Variants in TUSC3 observed in about 807,000 individuals in gnomAD.
TUSC3 encodes the protein tumor suppressor candidate 3.
Under a neutral mutation model 44.8 loss-of-function variants are expected in TUSC3, and 45 were observed. The ratio of observed to expected loss-of-function variants is 1.00; its 90% confidence interval spans 0.79 to 1.29. The LOEUF (loss-of-function observed/expected upper bound fraction) is 1.29. Ranked by LOEUF, TUSC3 falls within the 50% of genes most tolerant of loss-of-function variation. TUSC3 has a pLI of 0.00. For missense variants in TUSC3, 519 were observed against 437.9 expected (o/e 1.19, Z -1.65); for synonymous variants, 212 against 152.9 (o/e 1.39, Z -2.85).
At chr8:15,508,738 G>T (rs1801094231) in intron 2 of TUSC3, among the ~76,000 whole-genome samples, 1 of 152,108 alleles carries the variant, frequency 6.6e-6, no homozygotes, top group Non-Finnish European at 1.5e-5. Context: ...TGGGATTACA[G>T]GCGTAAGCCA....
intron 1 of TUSC3, among the ~76,000 whole-genome samples, chr8:15,585,288 G>A (rs28576207): frequency 0.012 from 1,893 of 152,240 alleles, 42 homozygotes; most frequent in African/African-American, 0.042. Context: ...AGGTTCAAGA[G>A]AGAGGTACAG....
chr8:15,463,423 T>C (rs1202175579), intron 1 of TUSC3, among the ~76,000 whole-genome samples: 6 of 152,150 alleles, frequency 3.9e-5, no homozygotes, highest in African/African-American at 7.2e-5. Context: ...GTCAAAATTA[T>C]TTTTAAAAGA....
chr8:15,581,350 G>A (rs958824380), intron 1 of TUSC3, among the ~76,000 whole-genome samples: 6 of 149,824 alleles, frequency 4.0e-5, no homozygotes, highest in Middle Eastern at 3.2e-3. Flanking sequence ...GCTTTGTTCC[G>A]TTGCTGGTGA....
At chr8:15,689,052 A>C in intron 6 of TUSC3, 1 of 328,198 alleles carries the variant, frequency 3.0e-6, no homozygotes. Context: ...TGACTCGTCA[A>C]TGTCATTTAC....
At chr8:15,572,623 C>T (rs1401023947) in intron 1 of TUSC3, among the ~76,000 whole-genome samples, 1 of 152,130 alleles carries the variant, frequency 6.6e-6, no homozygotes, top group Non-Finnish European at 1.5e-5. Flanking sequence ...CTGAGCTTTC[C>T]ACATGCCTTC....
intron 1 of TUSC3, among the ~76,000 whole-genome samples, chr8:15,552,560 A>C (rs971700202): frequency 6.6e-6 from 1 of 151,768 alleles, no homozygotes; most frequent in African/African-American, 2.4e-5. Context: ...GCGAGTGCTA[A>C]ACAGCACTGG....
intron 1 of TUSC3, among the ~76,000 whole-genome samples, chr8:15,461,643 C>T (rs1421918209): frequency 6.6e-6 from 1 of 151,728 alleles, no homozygotes; most frequent in African/African-American, 2.4e-5. Context: ...CTACTTTTCC[C>T]CATTCAGTAT....
intron 2 of TUSC3, among the ~76,000 whole-genome samples, chr8:15,631,865 C>T: frequency 6.6e-6 from 1 of 152,122 alleles, no homozygotes; most frequent in East Asian, 1.9e-4. Flanking sequence ...GCCGCCATGC[C>T]TGGCTAAATT....
rs1801636024 is a variant in TUSC3 at position 15,540,352 on chromosome 8, C to T, written c.-79C>T. Reference sequence around the variant, plus strand: ...GGCCCAGCCAGCGGGCTCCCGGAGGCTGGCCGGGCAGGCGTGGTGCGCGGT... The same window carrying T: ...GGCCCAGCCAGCGGGCTCCCGGAGGTTGGCCGGGCAGGCGTGGTGCGCGGT... On this transcript the variant is annotated 5_prime_UTR_variant, in exon 1 of 11. Transcript: ENST00000503731. 1 of 1,399,214 alleles carries T rather than the reference C, an allele frequency of 7.1e-7. No homozygotes were observed. Among genetic ancestry groups the T allele is most frequent in the Non-Finnish European group, 9.3e-7 (1 of 1,074,886 alleles). 86.7% of individuals were successfully genotyped at this position (1,399,214 alleles called of 1,614,324 possible). A position where few individuals can be genotyped will look rare whatever the true frequency, so the allele number is the denominator to read the frequency against.
intron 8 of TUSC3, among the ~76,000 whole-genome samples, chr8:15,743,823 T>A (rs921811022): frequency 6.6e-6 from 1 of 152,202 alleles, no homozygotes; most frequent in Non-Finnish European, 1.5e-5. Flanking sequence ...TTCTGTTGAT[T>A]TGCTTATAAA....
chr8:15,500,257 A>T (rs899139502), intron 2 of TUSC3, among the ~76,000 whole-genome samples: 9 of 152,166 alleles, frequency 5.9e-5, no homozygotes, highest in Admixed American at 1.3e-4. Context: ...AAGAATCTTG[A>T]CAGAAGTTAG....
At chr8:15,566,417 G>A (rs1428118758) in intron 1 of TUSC3, among the ~76,000 whole-genome samples, 1 of 152,066 alleles carries the variant, frequency 6.6e-6, no homozygotes, top group African/African-American at 2.4e-5. Flanking sequence ...TTTTGAACAT[G>A]TGCTATTGTT....
chr8:15,810,552 C>T, the TUSC3 span, among the ~76,000 whole-genome samples: 6 of 151,920 alleles, frequency 3.9e-5, no homozygotes, highest in African/African-American at 1.5e-4. Flanking sequence ...GTGGGAGGAT[C>T]ACTTGAGCCC....
chr8:15,750,403 G>C (rs971614270), intron 9 of TUSC3, among the ~76,000 whole-genome samples: 1 of 152,028 alleles, frequency 6.6e-6, no homozygotes, highest in Non-Finnish European at 1.5e-5. Context: ...ATTATTATCT[G>C]ACAGCAATAT....
intron 1 of TUSC3, among the ~76,000 whole-genome samples, chr8:15,543,115 G>A (rs1801744488): frequency 6.6e-6 from 1 of 152,100 alleles, no homozygotes; most frequent in Non-Finnish European, 1.5e-5. Flanking sequence ...GATAGCCCAG[G>A]GTTATTTTGA....
chr8:15,589,869 C>G lies in TUSC3; in HGVS notation c.139-33211C>G, dbSNP rs575205032. 2.5e-4 allele frequency among the ~76,000 whole-genome samples: 38 copies of G among 152,102 alleles called. 1 individual carries two copies. Among genetic ancestry groups the G allele is most frequent in the African/African-American group, 7.0e-4 (29 of 41,518 alleles). On this transcript the variant is annotated intron_variant, in intron 1 of 10. Transcript: ENST00000503731. ...TTCTAGAACTTCTTTTGGAAAAGTT[C>G]GAAATAAGTATAAATTCTCACTATC...
At chr8:15,477,865 CTCTT>C (rs942222217) in intron 1 of TUSC3, among the ~76,000 whole-genome samples, 1 of 151,902 alleles carries the variant, frequency 6.6e-6, no homozygotes, top group Non-Finnish European at 1.5e-5. Context: ...TCTTGCTTTC[CTCTT>C]TCTTGACTAT....
chr8:15,647,653 G>A (rs1335366736), intron 2 of TUSC3, among the ~76,000 whole-genome samples: 1 of 151,900 alleles, frequency 6.6e-6, no homozygotes, highest in Non-Finnish European at 1.5e-5. Context: ...ATAGTCTTAA[G>A]TTTTCTTAGT....
At chr8:15,788,897 G>C in the TUSC3 span, among the ~76,000 whole-genome samples, 4 of 152,172 alleles carry the variant, frequency 2.6e-5, no homozygotes, top group African/African-American at 9.6e-5. Flanking sequence ...GCAATTCTCA[G>C]ACATTTGGGG....
Sources: gnomAD v4.1 joint callset for allele counts (sites outside exome capture counted in the v4.1 genomes callset) on GRCh38, gnomAD v4.1.1 for gene constraint, MANE v1.5 for transcripts, NCBI Gene and HGNC (gene_info 2026-07-23, HGNC 2026-07-21) for gene names.